Variants in GRM7 observed in about 807,000 individuals in gnomAD.
GRM7 encodes the protein metabotropic glutamate receptor 7.
Under a neutral mutation model 84.5 loss-of-function variants are expected in GRM7, and 35 were observed. The observed-to-expected ratio is 0.41, with a 90% CI of 0.32 to 0.55. GRM7 has a LOEUF of 0.55. Among genes scored for constraint, GRM7 ranks in the 20% least tolerant of loss-of-function variants. The pLI is 0.19. For missense variants in GRM7, 1,003 were observed against 1,194.6 expected (o/e 0.84, Z 2.36); for synonymous variants, 487 against 455.1 (o/e 1.07, Z -0.89).
chr3:7,442,515 A>AC (rs1697332047), intron 5 of GRM7, among the ~76,000 whole-genome samples: 1 of 160 alleles, frequency 6.3e-3, no homozygotes, highest in Admixed American at 0.12. Flanking sequence ...ATAAACTTTG[A>AC]TAAAACTGAT....
chr3:7,103,816 T>TCTCTGTCTCTCTCTCCCTC (rs1699202405), intron 1 of GRM7, among the ~76,000 whole-genome samples: 1 of 89,058 alleles, frequency 1.1e-5, no homozygotes, highest in African/African-American at 4.8e-5. Flanking sequence ...CTTTCTTTCT[T>TCTCTGTCTCTCTCTCCCTC]TCTCTCTCTC....
intron 8 of GRM7, among the ~76,000 whole-genome samples, chr3:7,608,348 A>G (rs1696690759): frequency 6.6e-6 from 1 of 152,184 alleles, no homozygotes; most frequent in African/African-American, 2.4e-5. Context: ...CCAACAGTAT[A>G]TAAGCATTCC....
chr3:7,728,426 G>A (rs540868602), intron 9 of GRM7, among the ~76,000 whole-genome samples: 1 of 152,226 alleles, frequency 6.6e-6, no homozygotes, highest in South Asian at 2.1e-4. Flanking sequence ...GATTAATTTT[G>A]TTGTAACTGA....
rs899933375 is a variant in GRM7, at chr3:7,657,987, C to T, written c.2452-22062C>T. Among the ~76,000 whole-genome samples, 58 of 152,182 alleles carry T rather than the reference C, an allele frequency of 3.8e-4. 1 individual carries two copies. The highest frequency in any genetic ancestry group is 7.9e-4 in the Non-Finnish European group (54 of 68,034). ...TCCTGGGTATGAGTCTCCACTCTTA[C>T]TGAATCACTAAAGACCATAACCATA... On this transcript the variant is annotated intron_variant, in intron 8 of 9. Coordinates refer to ENST00000357716, the MANE Select transcript of GRM7 (RefSeq NM_000844.4).
intron 4 of GRM7, among the ~76,000 whole-genome samples, chr3:7,344,455 G>A (rs1220525156): frequency 6.6e-6 from 1 of 151,962 alleles, no homozygotes. Flanking sequence ...AGTATTCCAT[G>A]GCGTATATGT....
At chr3:7,230,037 C>T (rs1431653849) in intron 2 of GRM7, among the ~76,000 whole-genome samples, 16 of 151,212 alleles carry the variant, frequency 1.1e-4, no homozygotes, top group African/African-American at 3.2e-4. Flanking sequence ...GACGGGGTTT[C>T]ACCGTGTTAG....
intron 1 of GRM7, among the ~76,000 whole-genome samples, chr3:6,950,431 G>A (rs1692700081): frequency 6.6e-6 from 1 of 152,176 alleles, no homozygotes; most frequent in South Asian, 2.1e-4. Context: ...TGTCTCAGAG[G>A]AGTACCCGGC....
chr3:6,952,304 G>T (rs566050539), intron 1 of GRM7, among the ~76,000 whole-genome samples: 1 of 152,230 alleles, frequency 6.6e-6, no homozygotes, highest in South Asian at 2.1e-4. Flanking sequence ...GTGGAAACAG[G>T]CATGATTTCA....
chr3:7,403,181 G>T (rs1201690161), intron 4 of GRM7: 1 of 445,172 alleles, frequency 2.2e-6, no homozygotes, highest in South Asian at 1.6e-5. Flanking sequence ...TGGAGAAATG[G>T]GTAGGTGCCA....
At chr3:7,099,389 A>G (rs1698989682) in intron 1 of GRM7, among the ~76,000 whole-genome samples, 1 of 148,458 alleles carries the variant, frequency 6.7e-6, no homozygotes. Context: ...TATAATATAT[A>G]CATTATATAC....
intron 2 of GRM7, among the ~76,000 whole-genome samples, chr3:7,198,386 G>C (rs1695951761): frequency 6.6e-6 from 1 of 152,100 alleles, no homozygotes; most frequent in South Asian, 2.1e-4. Flanking sequence ...GAGAATTAAT[G>C]ACTGGGAGGC....
At chr3:7,468,306 A>G (rs1019268618) in intron 7 of GRM7, among the ~76,000 whole-genome samples, 2 of 152,170 alleles carry the variant, frequency 1.3e-5, no homozygotes, top group African/African-American at 4.8e-5. Flanking sequence ...TCTGCCCATC[A>G]TAATTATCAG....
At chr3:6,876,599 A>ATT (rs34723690) in intron 1 of GRM7, among the ~76,000 whole-genome samples, 15,470 of 124,074 alleles carry the variant, frequency 0.12, 1,337 homozygotes, top group Middle Eastern at 0.17. Context: ...TTTACCACTA[A>ATT]TTTTTTTTTT....
chr3:7,731,667 A>G lies in GRM7; in HGVS notation c.2699-8690A>G, dbSNP rs1702336034. ...GAGTCCTGCTAAGGCTCAGACATGCATGATTGTCAGCCATTATTCCAGAGA... is the reference window on the plus strand; with the variant it reads ...GAGTCCTGCTAAGGCTCAGACATGCGTGATTGTCAGCCATTATTCCAGAGA... On this transcript the variant is annotated intron_variant, in intron 9 of 9. Coordinates refer to ENST00000357716, the MANE Select transcript of GRM7 (RefSeq NM_000844.4). 2.0e-5 allele frequency among the ~76,000 whole-genome samples: 3 copies of G among 152,196 alleles called. No individual in the cohort carries two copies. In the South Asian group the frequency reaches 6.2e-4, roughly 31 times the overall value.
chr3:6,998,179 A>AT (rs1387546240), intron 1 of GRM7, among the ~76,000 whole-genome samples: 1 of 151,094 alleles, frequency 6.6e-6, no homozygotes, highest in African/African-American at 2.4e-5. Context: ...GGGTACAGGC[A>AT]TTGGTTAAAT....
chr3:7,606,547 G>C (rs1286668019), intron 8 of GRM7, among the ~76,000 whole-genome samples: 1 of 151,866 alleles, frequency 6.6e-6, no homozygotes, highest in Non-Finnish European at 1.5e-5. Context: ...TTTTCTTTTT[G>C]GGGGGACAAG....
At chr3:7,360,967 G>T (rs571828845) in intron 4 of GRM7, among the ~76,000 whole-genome samples, 5 of 152,056 alleles carry the variant, frequency 3.3e-5, no homozygotes, top group South Asian at 2.1e-4. Context: ...TTTTTCAGGG[G>T]TTCTGAAATT....
chr3:7,700,780 G>C (rs988347440), intron 9 of GRM7, among the ~76,000 whole-genome samples: 1 of 152,170 alleles, frequency 6.6e-6, no homozygotes, highest in African/African-American at 2.4e-5. Context: ...GGAAAAAAAG[G>C]ACACTTACAA....
chr3:7,627,918 G>T (rs1697690091), intron 8 of GRM7, among the ~76,000 whole-genome samples: 1 of 152,102 alleles, frequency 6.6e-6, no homozygotes. Context: ...AAAAATTTCA[G>T]TCACCAAATA....
Sources: allele counts gnomAD v4.1 joint callset (sites outside exome capture counted in the v4.1 genomes callset), GRCh38; gene constraint gnomAD v4.1.1; transcripts MANE v1.5; gene names NCBI Gene and HGNC (gene_info 2026-07-23, HGNC 2026-07-21).